Variants in DLG2 observed in about 807,000 individuals in gnomAD.
DLG2 encodes the protein discs large MAGUK scaffold protein 2, also known as disks large homolog 2.
A neutral mutation model predicts 132.5 loss-of-function variants in DLG2; 45 were observed. The ratio of observed to expected loss-of-function variants is 0.34; its 90% CI spans 0.27 to 0.44. The LOEUF is 0.44. Ranked by LOEUF, DLG2 falls within the 20% of genes least tolerant of loss-of-function variation. DLG2 has a pLI of 1.00. For missense variants in DLG2, 1,045 were observed against 1,196.9 expected (o/e 0.87, Z 1.87); for synonymous variants, 424 against 419.6 (o/e 1.01, Z -0.13).
At chr11:85,566,910 G>A (rs951822815) in intron 3 of DLG2, among the ~76,000 whole-genome samples, 1 of 152,078 alleles carries the variant, frequency 6.6e-6, no homozygotes, top group South Asian at 2.1e-4. Flanking sequence ...TGTCCTGGTA[G>A]CATTTGTTGA....
intron 3 of DLG2, among the ~76,000 whole-genome samples, chr11:85,511,862 G>A (rs1023537752): frequency 4.6e-5 from 7 of 151,828 alleles, no homozygotes; most frequent in African/African-American, 1.5e-4. Context: ...AGGACCACAG[G>A]CATTAGGACT....
At chr11:85,154,806 C>G (rs2152459937) in intron 4 of DLG2, among the ~76,000 whole-genome samples, 155 bp from the exon 5 acceptor site, 1 of 152,202 alleles carries the variant, frequency 6.6e-6, no homozygotes, top group South Asian at 2.1e-4. Context: ...ACTATCTAAC[C>G]CATTTTTATA....
At chr11:83,787,523 G>A (rs1056491643) in intron 17 of DLG2, among the ~76,000 whole-genome samples, 3 of 151,520 alleles carry the variant, frequency 2.0e-5, no homozygotes, top group Non-Finnish European at 2.9e-5. Context: ...GGGTTTCACC[G>A]TGTTAGCCAG....
intron 3 of DLG2, among the ~76,000 whole-genome samples, chr11:85,483,964 AT>A (rs536288242): frequency 7.0e-4 from 105 of 150,588 alleles, no homozygotes; most frequent in African/African-American, 2.4e-3. Context: ...AAAGATGCAA[AT>A]TGGCCCGGGT....
intron 16 of DLG2, among the ~76,000 whole-genome samples, chr11:83,869,019 A>G (rs772646281): frequency 2.6e-5 from 4 of 152,182 alleles, no homozygotes; most frequent in Non-Finnish European, 5.9e-5. Context: ...TCCATAAGCC[A>G]AAATTTTGTC....
At chr11:84,129,042 A>G (rs2094304900) in intron 9 of DLG2, among the ~76,000 whole-genome samples, 1 of 152,176 alleles carries the variant, frequency 6.6e-6, no homozygotes, top group Admixed American at 6.6e-5. Flanking sequence ...GAAGTGAAAC[A>G]GTACACTAAA....
chr11:85,302,367 C>A (rs186618354), intron 3 of DLG2, among the ~76,000 whole-genome samples: 20 of 152,256 alleles, frequency 1.3e-4, no homozygotes, highest in African/African-American at 4.8e-4. Context: ...ATTTGGCTTT[C>A]TTTTTTCTAT....
intron 18 of DLG2, among the ~76,000 whole-genome samples, chr11:83,759,014 G>T (rs1476142046): frequency 1.3e-5 from 2 of 152,058 alleles, no homozygotes; most frequent in Non-Finnish European, 2.9e-5. Context: ...TTAATTGATG[G>T]CTTCATTCAT....
intron 4 of DLG2, among the ~76,000 whole-genome samples, chr11:85,268,033 A>G (rs2077321611): frequency 6.6e-6 from 1 of 152,196 alleles, no homozygotes; most frequent in Non-Finnish European, 1.5e-5. Flanking sequence ...TTGAAGGTTC[A>G]CTAACAACCA....
chr11:84,899,880 T>G (rs2090674479), intron 6 of DLG2, among the ~76,000 whole-genome samples: 1 of 152,016 alleles, frequency 6.6e-6, no homozygotes, highest in Non-Finnish European at 1.5e-5. Flanking sequence ...TTCTGGAGGC[T>G]GCAATAACTG....
chr11:84,957,225 T>C (rs773291579), intron 6 of DLG2, among the ~76,000 whole-genome samples: 1 of 152,224 alleles, frequency 6.6e-6, no homozygotes, highest in Non-Finnish European at 1.5e-5. Flanking sequence ...GAATCTGTCC[T>C]CTTATCCATT....
At chr11:84,402,576 G>T (rs923880021) in intron 7 of DLG2, among the ~76,000 whole-genome samples, 2 of 151,764 alleles carry the variant, frequency 1.3e-5, no homozygotes, top group African/African-American at 4.8e-5. Context: ...TAAAAAGGTT[G>T]GCAATAAAAA....
At chr11:85,396,155 C>T (rs1018163522) in intron 3 of DLG2, among the ~76,000 whole-genome samples, 1 of 152,172 alleles carries the variant, frequency 6.6e-6, no homozygotes, top group African/African-American at 2.4e-5. Flanking sequence ...CTACAGCAAA[C>T]TCCAACAGAC....
chr11:83,949,341 T>C (rs1271186520), intron 14 of DLG2, among the ~76,000 whole-genome samples: 1 of 152,134 alleles, frequency 6.6e-6, no homozygotes, highest in Non-Finnish European at 1.5e-5. Context: ...GTTTTAACTC[T>C]AATGATCTTT....
rs1474079775 is a variant in DLG2, at chr11:84,012,595, TTAC to T, written c.920-31956_920-31954del. On this transcript the variant is annotated intron_variant, in intron 11 of 27. Transcript: ENST00000376104. Reference sequence around the variant, plus strand: ...TATGAGATTGTGGCTTGTTTCTGCTTTACTGTCAAAATATTCAGAGTTTCAAAA... The same window carrying T: ...TATGAGATTGTGGCTTGTTTCTGCTTTGTCAAAATATTCAGAGTTTCAAAA... Among the ~76,000 whole-genome samples, 5 of 152,146 alleles carry T rather than the reference TTAC, an allele frequency of 3.3e-5. No individual in the cohort carries two copies. In the South Asian group the frequency reaches 6.2e-4, roughly 19 times the overall value.
At chr11:85,535,591 T>TA (rs1349907771) in intron 3 of DLG2, among the ~76,000 whole-genome samples, 19 of 152,128 alleles carry the variant, frequency 1.2e-4, no homozygotes, top group African/African-American at 4.6e-4. Flanking sequence ...CTCAAGAAGT[T>TA]AAACAGAGTT....
At chr11:84,746,055 T>C (rs1424926788) in intron 6 of DLG2, among the ~76,000 whole-genome samples, 1 of 151,976 alleles carries the variant, frequency 6.6e-6, no homozygotes, top group Non-Finnish European at 1.5e-5. Context: ...GGTACAAAAA[T>C]GGATGATATA....
At chr11:84,299,328 T>G (rs2098127630) in intron 7 of DLG2, among the ~76,000 whole-genome samples, 1 of 152,212 alleles carries the variant, frequency 6.6e-6, no homozygotes, top group South Asian at 2.1e-4. Context: ...CATAATGGAT[T>G]GAAGAGATCT....
At chr11:84,163,003 A>G (rs2095580733) in intron 9 of DLG2, among the ~76,000 whole-genome samples, 1 of 152,092 alleles carries the variant, frequency 6.6e-6, no homozygotes, top group Non-Finnish European at 1.5e-5. Flanking sequence ...GCAGAGCTCT[A>G]TGGGGTTGCT....
Sources: allele counts gnomAD v4.1 joint callset (sites outside exome capture counted in the v4.1 genomes callset), GRCh38; gene constraint gnomAD v4.1.1; transcripts MANE v1.5; gene names NCBI Gene and HGNC (gene_info 2026-07-23, HGNC 2026-07-21).